DLGAP4: variants seen among roughly 807,000 people sequenced by gnomAD.
DLGAP4 encodes DLG associated protein 4.
A neutral mutation model predicts 86.9 loss-of-function variants in DLGAP4; 18 were observed. That is an observed-to-expected ratio of 0.21 (90% CI 0.14 to 0.31). The LOEUF (loss-of-function observed/expected upper bound fraction) is 0.31. DLGAP4 is among the 10% of genes least tolerant of loss of function. The pLI is 1.00. For synonymous variants in DLGAP4, 548 were observed against 574.3 expected (o/e 0.95, Z 0.65); for missense variants, 1,085 against 1,362.6 (o/e 0.80, Z 3.21).
At chr20:36,331,004 C>G (rs1291016960) in intron 1 of DLGAP4, among the ~76,000 whole-genome samples, 2 of 152,188 alleles carry the variant, frequency 1.3e-5, no homozygotes, top group Non-Finnish European at 2.9e-5. Context: ...TCCCTTGCTT[C>G]CAATTCAAGT....
At chr20:36,388,535 C>T (rs898374577) in intron 2 of DLGAP4, among the ~76,000 whole-genome samples, 1 of 152,164 alleles carries the variant, frequency 6.6e-6, no homozygotes, top group Admixed American at 6.5e-5. Flanking sequence ...CCCCGGTTCC[C>T]TCTGATGTGC....
chr20:36,476,705 G>GT (rs35699904), intron 7 of DLGAP4, among the ~76,000 whole-genome samples: 5,233 of 85,450 alleles, frequency 0.061, 459 homozygotes, highest in African/African-American at 0.16. Context: ...TTTTTTTTTG[G>GT]TTTTTTTTTT....
chr20:36,448,118 G>A (rs1483595020), intron 7 of DLGAP4, among the ~76,000 whole-genome samples: 2 of 152,008 alleles, frequency 1.3e-5, no homozygotes, highest in Non-Finnish European at 2.9e-5. Flanking sequence ...CACTTTGGGG[G>A]GCCGAGGCAG....
chr20:36,369,048 G>A (rs1047514616), intron 2 of DLGAP4, among the ~76,000 whole-genome samples: 9 of 152,200 alleles, frequency 5.9e-5, no homozygotes, highest in Non-Finnish European at 1.2e-4. Context: ...TCCTTGGCAC[G>A]AGCTGGGTGA....
intron 12 of DLGAP4, 120 bp downstream of exon 12, chr20:36,526,126 T>C: frequency 6.9e-7 from 1 of 1,451,418 alleles, no homozygotes; most frequent in Non-Finnish European, 9.6e-7. Flanking sequence ...TGAGCTGGGG[T>C]CTCACATCCA....
intron 7 of DLGAP4, among the ~76,000 whole-genome samples, chr20:36,488,199 CAAAAA>C (rs1287983679): frequency 1.6e-5 from 1 of 62,388 alleles, no homozygotes; most frequent in African/African-American, 6.1e-5. Context: ...GACTCTGTCT[CAAAAA>C]AAAAAAAAAA....
intron 2 of DLGAP4, among the ~76,000 whole-genome samples, chr20:36,419,703 C>T (rs2032768172): frequency 3.3e-5 from 5 of 152,216 alleles, no homozygotes; most frequent in Admixed American, 2.0e-4. Flanking sequence ...CAGGAGGCCT[C>T]AGTTCCTTCC....
intron 7 of DLGAP4, among the ~76,000 whole-genome samples, chr20:36,461,059 C>G (rs995752506): frequency 2.0e-5 from 3 of 152,190 alleles, no homozygotes; most frequent in African/African-American, 7.2e-5. Context: ...GCAGCTTCCT[C>G]GGAGCCTCGG....
rs1017410146 is a variant in DLGAP4 at position 36,494,871 on chromosome 20, T to G, written c.1649-1834T>G. ...GCTCACACCTATAATCCCAGCATTT[T>G]GGGAGACTGAGGCAGGAGGATCCCT... On this transcript the variant is annotated intron_variant, in intron 7 of 12. Transcript: ENST00000339266. Among the ~76,000 whole-genome samples, 16 of 152,070 alleles carry G rather than the reference T, an allele frequency of 1.1e-4. No homozygotes were observed. The East Asian group carries it at 3.1e-3, about 29-fold the overall frequency.
At chr20:36,430,441 T>A (rs754370428) in intron 2 of DLGAP4, among the ~76,000 whole-genome samples, 1 of 152,086 alleles carries the variant, frequency 6.6e-6, no homozygotes, top group African/African-American at 2.4e-5. Flanking sequence ...CCATTTGACA[T>A]AGGAATTCCT....
At chr20:36,515,113 G>A (rs551824281) in intron 10 of DLGAP4, among the ~76,000 whole-genome samples, 12 of 152,290 alleles carry the variant, frequency 7.9e-5, no homozygotes, top group Admixed American at 3.3e-4. Flanking sequence ...TCCAAAAGAT[G>A]AGCTTGAGTT....
intron 2 of DLGAP4, among the ~76,000 whole-genome samples, chr20:36,395,838 G>A (rs1044169229): frequency 6.6e-5 from 10 of 152,158 alleles, no homozygotes; most frequent in Admixed American, 5.9e-4. Flanking sequence ...CTCTGTGCTG[G>A]ATGGTCACAC....
chr20:36,334,958 C>T (rs2065306796), intron 1 of DLGAP4, among the ~76,000 whole-genome samples: 1 of 152,150 alleles, frequency 6.6e-6, no homozygotes, highest in African/African-American at 2.4e-5. Context: ...GCCAGGTGCC[C>T]ATTTTAATTC....
chr20:36,418,500 T>C (rs1451966342), intron 2 of DLGAP4, among the ~76,000 whole-genome samples: 2 of 152,206 alleles, frequency 1.3e-5, no homozygotes, highest in Admixed American at 1.3e-4. Context: ...CTTAGGTCTG[T>C]GTTTTCTTAT....
At chr20:36,442,820 T>C (rs1297502862) in intron 6 of DLGAP4, 43 bp downstream of exon 6, 3 of 1,611,072 alleles carry the variant, frequency 1.9e-6, no homozygotes, top group Non-Finnish European at 2.5e-6. Context: ...TCCCAGAGTG[T>C]AGGCCTGGGC....
rs1344220084 is a variant in DLGAP4, at chr20:36,350,358, G to A, written c.-303-16687G>A. On this transcript the variant is annotated intron_variant, in intron 1 of 12. Coordinates refer to ENST00000339266, the MANE Select transcript of DLGAP4 (RefSeq NM_001365621.2). The surrounding 1 kb of genome is among the most constrained non-coding windows in gnomAD (Gnocchi z 4.4). ...GTGAGAGCAGTCCCTCCTGGGTGGG[G>A]CAGTGGGGTCCTGTGACCTTATCCA... Among the ~76,000 whole-genome samples, 1 of 152,230 alleles carries A rather than the reference G, an allele frequency of 6.6e-6. No individual in the cohort carries two copies. The highest frequency in any genetic ancestry group is 1.5e-5 in the Non-Finnish European group (1 of 68,042).
intron 7 of DLGAP4, among the ~76,000 whole-genome samples, chr20:36,451,453 C>A (rs569460943): frequency 3.3e-5 from 5 of 151,740 alleles, no homozygotes; most frequent in African/African-American, 1.2e-4. Context: ...CAGGTTCAAG[C>A]GATTCTCATG....
intron 2 of DLGAP4, among the ~76,000 whole-genome samples, chr20:36,429,086 G>A (rs530733311): frequency 6.6e-6 from 1 of 152,072 alleles, no homozygotes; most frequent in South Asian, 2.1e-4. Flanking sequence ...ATTTATTTAT[G>A]TATTTATTTT....
chr20:36,382,868 C>T (rs1338872927), intron 2 of DLGAP4, among the ~76,000 whole-genome samples: 1 of 152,054 alleles, frequency 6.6e-6, no homozygotes, highest in Non-Finnish European at 1.5e-5. Flanking sequence ...TATAATTGTC[C>T]TTGTCTTGTC....
Sources: gnomAD v4.1 joint callset for allele counts (sites outside exome capture counted in the v4.1 genomes callset) on GRCh38, gnomAD v4.1.1 for gene constraint, Gnocchi (gnomAD v3.1) non-coding constraint, MANE v1.5 for transcripts, NCBI Gene and HGNC (gene_info 2026-07-23, HGNC 2026-07-21) for gene names.